The following PALM variants were observed in gnomAD, a reference collection of about 807,000 sequenced individuals.
PALM encodes paralemmin.
In PALM, 18 loss-of-function variants were observed where a neutral mutation model predicts 30.7. That is an observed-to-expected ratio of 0.59 (90% CI 0.41 to 0.87). PALM has a LOEUF of 0.87. PALM is among the 40% of genes least tolerant of loss of function. The probability of loss-of-function intolerance (pLI) is 0.00; values close to 1 mark genes in which losing one functional copy is unlikely to be tolerated. For synonymous variants in PALM, 286 were observed against 242.8 expected, an observed-to-expected ratio of 1.18 and a Z score of -1.66; for missense variants, 529 against 555.4, an observed-to-expected ratio of 0.95 and a Z score of 0.48.
intron 4 of PALM, among the ~76,000 whole-genome samples, chr19:729,489 G>A (rs1364521239): frequency 8.1e-6 from 1 of 123,480 alleles, no homozygotes; most frequent in Non-Finnish European, 1.7e-5. Context: ...TTTTTGAGAA[G>A]GAGTCTCGCT....
chr19:731,740 A>T (rs1369243973), intron 5 of PALM, among the ~76,000 whole-genome samples: 1 of 151,786 alleles, frequency 6.6e-6, no homozygotes, highest in Non-Finnish European at 1.5e-5. Context: ...ACAGTCTGCA[A>T]CCTCCACCTC....
intron 6 of PALM, chr19:734,603 T>C: frequency 5.0e-6 from 1 of 198,448 alleles, no homozygotes; most frequent in Non-Finnish European, 1.0e-5. Context: ...CCCAGCGCTC[T>C]GGGAGGCTGA....
Position 709,885 on chromosome 19 carries a change from C to T in PALM, c.5+734C>T, listed in dbSNP as rs1029780543. The stretch of plus-strand genomic sequence containing the variant: ...CTGGCCCTGGGCTGGGATCCCTGGA[C>T]CCCCGCATGGCTGCGCCTGTGTGTG... On this transcript the variant is annotated intron_variant, in intron 1 of 8. Transcript: ENST00000338448. The surrounding 1 kb of genome is among the most constrained non-coding windows in gnomAD (Gnocchi z 4.3). 1.9e-4 allele frequency among the ~76,000 whole-genome samples: 28 copies of T among 151,136 alleles called. No homozygotes were observed. The highest frequency in any genetic ancestry group is 6.6e-4 in the African/African-American group (27 of 40,784).
At chr19:721,957 C>T (rs1403152339) in intron 1 of PALM, among the ~76,000 whole-genome samples, 1 of 149,674 alleles carries the variant, frequency 6.7e-6, no homozygotes. Context: ...CTCGCTCTGT[C>T]GCCCAGGCTG....
chr19:726,989 C>G lies in PALM; in HGVS notation c.58-19C>G. ...GGACCCCCACGCCCATCCCTGACCC[C>G]ACCCGGCCCTCCCCACAGGAGAAGC... On this transcript the variant is annotated intron_variant, in intron 2 of 8. Transcript: ENST00000338448. 1 of 1,242,782 alleles carries G rather than the reference C, an allele frequency of 8.0e-7. No homozygotes were observed. Among genetic ancestry groups the G allele is most frequent in the Non-Finnish European group, 1.1e-6 (1 of 879,662 alleles). The allele number at this position is 1,242,782 out of a possible 1,614,324, so 77.0% of individuals were successfully genotyped here.
intron 7 of PALM, among the ~76,000 whole-genome samples, chr19:738,308 T>C (rs762195796): frequency 1.3e-4 from 20 of 152,092 alleles, no homozygotes; most frequent in Middle Eastern, 3.4e-3. Context: ...GGGCAGATCA[T>C]GAGGTCAGGA....
At chr19:721,166 CG>C (rs1232634991) in intron 1 of PALM, among the ~76,000 whole-genome samples, 1 of 152,078 alleles carries the variant, frequency 6.6e-6, no homozygotes, top group Non-Finnish European at 1.5e-5. Flanking sequence ...AGTAGACCAA[CG>C]GGGGAAGTGA....
At chr19:712,878 G>A (rs1380021359) in intron 1 of PALM, among the ~76,000 whole-genome samples, 4 of 152,206 alleles carry the variant, frequency 2.6e-5, no homozygotes, top group Non-Finnish European at 4.4e-5. Context: ...GTTTCGCCAT[G>A]TTGGGCAGGC....
chr19:743,382 G>T (rs909570246), intron 8 of PALM, among the ~76,000 whole-genome samples: 8 of 152,196 alleles, frequency 5.3e-5, no homozygotes, highest in African/African-American at 1.9e-4. Flanking sequence ...GCTTAGCAAC[G>T]GGCAGGTGAT....
chr19:726,974 G>A (rs548292763), intron 2 of PALM, 34 bp from the exon 3 acceptor site: 50 of 1,253,718 alleles, frequency 4.0e-5, no homozygotes, highest in African/African-American at 4.0e-4. Flanking sequence ...GGACCCCCAC[G>A]CCCATCCCTG....
intron 1 of PALM, among the ~76,000 whole-genome samples, chr19:724,524 T>C (rs900253973): frequency 5.9e-5 from 9 of 152,104 alleles, no homozygotes; most frequent in Admixed American, 5.2e-4. Flanking sequence ...TTTCACCATG[T>C]TGGGCAGGCT....
chr19:736,909 C>T (rs1217230836), intron 7 of PALM, among the ~76,000 whole-genome samples: 2 of 152,138 alleles, frequency 1.3e-5, no homozygotes, highest in Non-Finnish European at 2.9e-5. Flanking sequence ...AAAAATTAGC[C>T]GGGCATGGTG....
intron 1 of PALM, among the ~76,000 whole-genome samples, chr19:710,402 C>G (rs1293714398): frequency 6.6e-6 from 1 of 152,198 alleles, no homozygotes; most frequent in Non-Finnish European, 1.5e-5. Flanking sequence ...CCAGACTTGC[C>G]TGCTCCACAC....
intron 2 of PALM, among the ~76,000 whole-genome samples, chr19:726,519 C>T (rs2032666635): frequency 6.6e-6 from 1 of 152,178 alleles, no homozygotes; most frequent in South Asian, 2.1e-4. Context: ...TTGGTGGCCT[C>T]TGGCCCAAGA....
intron 1 of PALM, among the ~76,000 whole-genome samples, chr19:710,831 G>C (rs56047863): frequency 0.13 from 19,587 of 152,264 alleles, 1,372 homozygotes; most frequent in African/African-American, 0.16. Flanking sequence ...ACCGGCTGCT[G>C]TGAGCCGCCA....
At chr19:731,045 G>A (rs775050813) in intron 4 of PALM, 50 bp from the exon 5 acceptor site, 3 of 1,301,248 alleles carry the variant, frequency 2.3e-6, no homozygotes, top group Non-Finnish European at 3.2e-6. Context: ...GGTGCCCAGA[G>A]CCCCACCGGG....
intron 7 of PALM, among the ~76,000 whole-genome samples, chr19:739,640 C>T (rs1018021569): frequency 2.6e-5 from 4 of 152,000 alleles, no homozygotes; most frequent in African/African-American, 9.7e-5. Flanking sequence ...GTGATCGTGC[C>T]GCTCCACTCC....
chr19:722,558 C>T (rs1412690975), intron 1 of PALM: 1 of 152,254 alleles, frequency 6.6e-6, no homozygotes, highest in Non-Finnish European at 1.5e-5. Context: ...TGAGAAGCTG[C>T]CTCTGGCTGG....
Position 746,529 on chromosome 19 carries a change from C to A in PALM, c.879C>A (p.Gly293=), listed in dbSNP as rs368736425. 241 of 1,612,952 alleles carry A rather than the reference C, an allele frequency of 1.5e-4. No individual in the cohort carries two copies. The highest frequency in any genetic ancestry group is 1.9e-4 in the Non-Finnish European group (230 of 1,179,892). ...CCGGCCCGCCGGGGATCCAGCCCGG[C>A]CAGGAGCCCCCGGTCACAATGATCT... ...ATSGPPGIQP[G]QEPPVTMIFM... is the part of the protein sequence containing the mutation. Residue 293 remains glycine (G), a synonymous_variant, in exon 9 of 9, where the codon GGC becomes GGA. Coordinates refer to ENST00000338448, the MANE Select transcript of PALM (RefSeq NM_002579.3). The surrounding 1 kb of genome is among the most constrained non-coding windows in gnomAD (Gnocchi z 7.1).
Sources: allele counts gnomAD v4.1 joint callset (sites outside exome capture counted in the v4.1 genomes callset), GRCh38; gene constraint gnomAD v4.1.1; non-coding constraint Gnocchi (gnomAD v3.1); transcripts MANE v1.5; gene names NCBI Gene and HGNC (gene_info 2026-07-23, HGNC 2026-07-21).